CTNNA2: variants seen among roughly 807,000 people sequenced by gnomAD.
The protein encoded by CTNNA2 is catenin alpha 2.
Under a neutral mutation model 101.0 loss-of-function variants are expected in CTNNA2, and 42 were observed. The observed-to-expected ratio is 0.42, with a 90% CI of 0.32 to 0.54. CTNNA2 has a LOEUF of 0.54. CTNNA2 is among the 20% of genes least tolerant of loss of function. CTNNA2 has a pLI of 0.14. For synonymous variants in CTNNA2, 450 were observed against 456.4 expected (o/e 0.99, Z 0.18); for missense variants, 871 against 1,223.1 (o/e 0.71, Z 4.29).
intron 2 of CTNNA2, among the ~76,000 whole-genome samples, chr2:79,229,599 T>C (rs2104235976): frequency 6.6e-6 from 1 of 152,286 alleles, no homozygotes. Context: ...ACTAATACAG[T>C]AAATTGGTTC....
chr2:79,406,852 C>A (rs1222561752), intron 4 of CTNNA2, among the ~76,000 whole-genome samples: 3 of 151,950 alleles, frequency 2.0e-5, no homozygotes, highest in Non-Finnish European at 2.9e-5. Flanking sequence ...GCACTCCACT[C>A]ACTCACACTG....
At chr2:80,110,671 G>A (rs2148860324) in intron 7 of CTNNA2, among the ~76,000 whole-genome samples, 1 of 152,300 alleles carries the variant, frequency 6.6e-6, no homozygotes, top group Non-Finnish European at 1.5e-5. Context: ...GCTACTTGGA[G>A]CCTCAGCATC....
chr2:79,871,029 G>A (rs532301317), intron 5 of CTNNA2, among the ~76,000 whole-genome samples: 70 of 152,250 alleles, frequency 4.6e-4, no homozygotes, highest in African/African-American at 1.6e-3. Flanking sequence ...TGTTCCCATC[G>A]AGTGGGTTTT....
chr2:79,509,625 A>G (rs1671492289), upstream of CTNNA2, among the ~76,000 whole-genome samples: 1 of 152,186 alleles, frequency 6.6e-6, no homozygotes, highest in African/African-American at 2.4e-5. Flanking sequence ...GAATAGACAG[A>G]ACACAGAGTA....
chr2:80,528,136 A>G (rs1400232999), intron 9 of CTNNA2, among the ~76,000 whole-genome samples: 1 of 152,192 alleles, frequency 6.6e-6, no homozygotes, highest in Non-Finnish European at 1.5e-5. Context: ...GAGAAAGGAA[A>G]TGAGAGTTTG....
intron 2 of CTNNA2, among the ~76,000 whole-genome samples, chr2:79,708,536 G>A (rs914233288): frequency 1.3e-5 from 2 of 151,880 alleles, no homozygotes; most frequent in Non-Finnish European, 2.9e-5. Flanking sequence ...ATTCAAAATG[G>A]TTCAAAAATT....
At chr2:79,242,991 TATACACACACAC>T (rs1268880660) in intron 2 of CTNNA2, among the ~76,000 whole-genome samples, 5 of 120,922 alleles carry the variant, frequency 4.1e-5, no homozygotes, top group African/African-American at 1.2e-4. Flanking sequence ...TATATATATA[TATACACACACAC>T]ACACACACAC....
chr2:79,613,726 G>T (rs1466342873), intron 1 of CTNNA2, among the ~76,000 whole-genome samples: 1 of 152,004 alleles, frequency 6.6e-6, no homozygotes, highest in Non-Finnish European at 1.5e-5. Flanking sequence ...TTGTTGTGTT[G>T]CCCAGAAAGT....
intron 7 of CTNNA2, among the ~76,000 whole-genome samples, chr2:80,138,345 G>C (rs1702811976): frequency 6.6e-6 from 1 of 152,276 alleles, no homozygotes; most frequent in East Asian, 1.9e-4. Flanking sequence ...GATAAATGTT[G>C]ATCTTAGGCT....
chr2:80,302,712 T>C lies in CTNNA2; in HGVS notation c.1057-90499T>C. 6.2e-7 allele frequency: 1 copy of C among 1,612,774 alleles called. No individual in the cohort carries two copies. Among genetic ancestry groups the C allele is most frequent in the Non-Finnish European group, 8.5e-7 (1 of 1,179,810 alleles). ...ACGGCCGAGAGCAGGTGGCCGCTGG[T>C]GGGCTCGGCCCCATCCTCGCACAGG... On this transcript the variant is annotated intron_variant, in intron 7 of 18. Transcript: ENST00000402739. This position sits in a 1 kb window ranked among gnomAD's most constrained non-coding sequence, Gnocchi z 6.4.
intron 1 of CTNNA2, among the ~76,000 whole-genome samples, chr2:79,542,801 G>C (rs1216024819): frequency 1.3e-5 from 2 of 151,994 alleles, no homozygotes; most frequent in African/African-American, 4.8e-5. Flanking sequence ...ACTATCTCCT[G>C]TAAACTGGTT....
chr2:79,292,003 G>C lies in CTNNA2; in HGVS notation c.-405-20706G>C, dbSNP rs138772093. Among the ~76,000 whole-genome samples the C allele has an allele frequency of 1.9e-4, 29 of 152,090 alleles. 1 individual carries two copies. The East Asian group carries it at 5.0e-3, about 26-fold the overall frequency. ...TACTTCAGATACCCAGGGCTTTTGG[G>C]GGGTAGAGCTCACCTGTGGGGGTGG... On this transcript the variant is annotated intron_variant, in intron 2 of 21. Transcript: ENST00000466387.
chr2:79,976,842 A>G (rs1690882942), intron 7 of CTNNA2, among the ~76,000 whole-genome samples: 3 of 152,182 alleles, frequency 2.0e-5, no homozygotes, highest in African/African-American at 4.8e-5. Flanking sequence ...AACAGCAATC[A>G]TACTTGCCCT....
intron 7 of CTNNA2, among the ~76,000 whole-genome samples, chr2:80,051,014 T>G (rs188617306): frequency 4.6e-5 from 7 of 152,314 alleles, no homozygotes; most frequent in Admixed American, 2.6e-4. Context: ...GCGTGAGCCA[T>G]GACACCTAGC....
At chr2:80,419,693 G>T in intron 9 of CTNNA2, 92 bp downstream of exon 9, 4 of 1,327,170 alleles carry the variant, frequency 3.0e-6, no homozygotes, top group Non-Finnish European at 4.1e-6. Context: ...ATATTCTATT[G>T]TATTTTTGGA....
At chr2:80,096,303 G>A (rs749592412) in intron 7 of CTNNA2, among the ~76,000 whole-genome samples, 2 of 152,170 alleles carry the variant, frequency 1.3e-5, no homozygotes, top group African/African-American at 4.8e-5. Context: ...TTTCCATGTA[G>A]TTGAGCGGTT....
intron 3 of CTNNA2, among the ~76,000 whole-genome samples, chr2:79,777,353 G>C (rs910214105): frequency 2.6e-5 from 4 of 151,406 alleles, no homozygotes; most frequent in Admixed American, 2.6e-4. Context: ...GTGTGTGTGT[G>C]TGTGTGTGTG....
At chr2:80,012,975 G>A (rs554773343) in intron 7 of CTNNA2, among the ~76,000 whole-genome samples, 15 of 152,212 alleles carry the variant, frequency 9.9e-5, no homozygotes, top group African/African-American at 3.6e-4. Flanking sequence ...ACCATTCTGG[G>A]CAACATAATG....
intron 1 of CTNNA2, among the ~76,000 whole-genome samples, chr2:79,637,591 G>A (rs1473424908): frequency 6.6e-6 from 1 of 152,156 alleles, no homozygotes; most frequent in Non-Finnish European, 1.5e-5. Context: ...AGAGATGCAT[G>A]CTAGAAAGGT....
Sources: gnomAD v4.1 joint callset for allele counts (sites outside exome capture counted in the v4.1 genomes callset) on GRCh38, gnomAD v4.1.1 for gene constraint, Gnocchi (gnomAD v3.1) non-coding constraint, MANE v1.5 for transcripts, NCBI Gene and HGNC (gene_info 2026-07-23, HGNC 2026-07-21) for gene names.